Variants in ELAPOR2 observed in about 807,000 individuals in gnomAD.
ELAPOR2 encodes endosome/lysosome-associated apoptosis and autophagy regulator family member 2.
ELAPOR2 carries 89 observed loss-of-function variants against 120.7 expected under a neutral mutation model. The ratio of observed to expected loss-of-function variants is 0.74; its 90% CI spans 0.62 to 0.88. The LOEUF is 0.88. Ranked by LOEUF, ELAPOR2 falls within the 40% of genes least tolerant of loss-of-function variation. ELAPOR2 has a pLI of 0.00. For synonymous variants in ELAPOR2, 444 were observed against 444.9 expected, an observed-to-expected ratio of 1.00 and a Z score of 0.03; for missense variants, 1,134 against 1,251.6, an observed-to-expected ratio of 0.91 and a Z score of 1.42.
At chr7:86,972,670 C>G (rs1792144799) in intron 1 of ELAPOR2, among the ~76,000 whole-genome samples, 1 of 150,600 alleles carries the variant, frequency 6.6e-6, no homozygotes, top group Non-Finnish European at 1.5e-5. Flanking sequence ...ACCTCGGGCA[C>G]ACATCCCCAA....
intron 21 of ELAPOR2, among the ~76,000 whole-genome samples, chr7:86,891,036 G>C (rs1788133202): frequency 6.6e-6 from 1 of 151,850 alleles, no homozygotes; most frequent in Non-Finnish European, 1.5e-5. Context: ...CAAATAAAAT[G>C]TCTTTTCAAA....
chr7:86,905,293 G>C (rs1044313733), intron 18 of ELAPOR2, among the ~76,000 whole-genome samples: 4 of 147,994 alleles, frequency 2.7e-5, no homozygotes, highest in African/African-American at 7.5e-5. Context: ...TTTTCTGTCA[G>C]TAGGAAATAT....
chr7:86,961,426 A>G (rs1015510084), intron 2 of ELAPOR2, among the ~76,000 whole-genome samples: 6 of 152,240 alleles, frequency 3.9e-5, no homozygotes, highest in Non-Finnish European at 7.3e-5. Context: ...GAAATACATT[A>G]TGTTTATTTC....
At chr7:87,053,136 C>T (rs538611366) in intron 1 of ELAPOR2, among the ~76,000 whole-genome samples, 113 of 152,214 alleles carry the variant, frequency 7.4e-4, no homozygotes, top group African/African-American at 2.7e-3. Context: ...AAATCTGGCA[C>T]AACCAAGAGG....
chr7:86,973,866 T>A (rs1458209006), intron 1 of ELAPOR2, among the ~76,000 whole-genome samples: 1 of 152,114 alleles, frequency 6.6e-6, no homozygotes, highest in Non-Finnish European at 1.5e-5. Flanking sequence ...CAGGGGCCCC[T>A]CTTGCCTGGT....
At chr7:86,941,804 C>T (rs746179703) in intron 5 of ELAPOR2, among the ~76,000 whole-genome samples, 1 of 151,740 alleles carries the variant, frequency 6.6e-6, no homozygotes, top group African/African-American at 2.4e-5. Context: ...GGAAAAAGAC[C>T]CTGAAAATTG....
chr7:86,972,288 T>C (rs1792130757), intron 1 of ELAPOR2, among the ~76,000 whole-genome samples: 1 of 152,148 alleles, frequency 6.6e-6, no homozygotes, highest in African/African-American at 2.4e-5. Context: ...CAAGACAGTG[T>C]CAATCCTTCA....
intron 5 of ELAPOR2, chr7:86,941,417 T>C (rs1790790566): frequency 1.9e-6 from 1 of 521,142 alleles, no homozygotes; most frequent in Non-Finnish European, 4.0e-6. Flanking sequence ...CTTTACTTCA[T>C]GTAACCAGAG....
At position 86,925,509 on chromosome 7, in the gene ELAPOR2, A is replaced by G. The variant is rs752801653; in HGVS notation, c.1399+19T>C. 1 of 1,609,990 alleles carries G rather than the reference A, an allele frequency of 6.2e-7. No homozygotes were observed. Among genetic ancestry groups the G allele is most frequent in the South Asian group, 1.1e-5 (1 of 90,982 alleles). On this transcript the variant is annotated intron_variant, in intron 10 of 21. Coordinates refer to ENST00000450689, the MANE Select transcript of ELAPOR2 (RefSeq NM_001142749.3). ...TCTCTATTGCTGAAATACATCAAGTAGGCTGATTTTGAACTTACCATTCAT... is the reference window on the plus strand; with the variant it reads ...TCTCTATTGCTGAAATACATCAAGTGGGCTGATTTTGAACTTACCATTCAT...
chr7:86,898,462 C>G (rs1305425868), intron 18 of ELAPOR2, among the ~76,000 whole-genome samples: 1 of 149,436 alleles, frequency 6.7e-6, no homozygotes, highest in Admixed American at 6.7e-5. Flanking sequence ...CTCTAAACAC[C>G]ACTGAATTAT....
chr7:87,006,310 A>G (rs1424408466), intron 1 of ELAPOR2, among the ~76,000 whole-genome samples: 3 of 151,226 alleles, frequency 2.0e-5, no homozygotes, highest in Non-Finnish European at 2.9e-5. Flanking sequence ...GGAAATGCAA[A>G]TTAAAATCGC....
At chr7:87,011,585 T>C (rs1188250362) in intron 1 of ELAPOR2, among the ~76,000 whole-genome samples, 2 of 152,278 alleles carry the variant, frequency 1.3e-5, no homozygotes, top group African/African-American at 4.8e-5. Context: ...GCCAACTGGC[T>C]TAACATTGTT....
At chr7:86,880,638 T>C (rs2115706321) in intron 21 of ELAPOR2, 108 bp from the exon 22 acceptor site, 1 of 706,714 alleles carries the variant, frequency 1.4e-6, no homozygotes, top group East Asian at 2.7e-5. Context: ...ACCTATCTAG[T>C]TGCCACTTGT....
intron 1 of ELAPOR2, 88 bp from the exon 2 acceptor site, chr7:86,965,112 C>G: frequency 7.5e-7 from 1 of 1,335,458 alleles, no homozygotes; most frequent in Non-Finnish European, 1.0e-6. Context: ...CCCCTGTTTC[C>G]AAGCTGTACC....
At chr7:86,974,146 T>C (rs539520018) in intron 1 of ELAPOR2, among the ~76,000 whole-genome samples, 63 of 152,310 alleles carry the variant, frequency 4.1e-4, no homozygotes, top group Non-Finnish European at 7.6e-4. Context: ...ATTTGTTCTG[T>C]CTAATTATAT....
At chr7:86,907,589 G>A (rs1463404447) in intron 18 of ELAPOR2, 81 bp downstream of exon 18, 8 of 869,906 alleles carry the variant, frequency 9.2e-6, no homozygotes, top group Non-Finnish European at 1.1e-5. Flanking sequence ...TATGTTCATA[G>A]AGAATATGTT....
chr7:86,913,675 C>G (rs544484641), intron 13 of ELAPOR2, among the ~76,000 whole-genome samples: 1 of 152,200 alleles, frequency 6.6e-6, no homozygotes, highest in Non-Finnish European at 1.5e-5. Context: ...CAAACATTAA[C>G]TGTGCTAAAT....
At chr7:87,055,793 T>A (rs1218022634) in intron 1 of ELAPOR2, among the ~76,000 whole-genome samples, 1 of 152,232 alleles carries the variant, frequency 6.6e-6, no homozygotes, top group African/African-American at 2.4e-5. Flanking sequence ...TTTAAATTAC[T>A]AATTTCATAT....
intron 1 of ELAPOR2, among the ~76,000 whole-genome samples, chr7:87,011,731 T>G (rs1793686830): frequency 6.6e-6 from 1 of 152,202 alleles, no homozygotes; most frequent in South Asian, 2.1e-4. Context: ...TGAATAAGCT[T>G]TTCATATTTC....
Sources: gnomAD v4.1 joint callset for allele counts (sites outside exome capture counted in the v4.1 genomes callset) on GRCh38, gnomAD v4.1.1 for gene constraint, MANE v1.5 for transcripts, NCBI Gene and HGNC (gene_info 2026-07-23, HGNC 2026-07-21) for gene names.